The following SLIT1 variants were observed in gnomAD, a reference collection of about 807,000 sequenced individuals.
The protein encoded by SLIT1 is slit guidance ligand 1.
A neutral mutation model predicts 186.1 loss-of-function variants in SLIT1; 66 were observed. The observed-to-expected ratio is 0.35, with a 90% CI of 0.29 to 0.44. SLIT1 has a LOEUF of 0.44. SLIT1 is among the 20% of genes least tolerant of loss of function. The pLI, the probability that SLIT1 is intolerant of heterozygous loss-of-function variation, is 1.00. For missense variants in SLIT1, 1,638 were observed against 2,037.4 expected (o/e 0.80, Z 3.77); for synonymous variants, 761 against 833.8 (o/e 0.91, Z 1.50).
intron 1 of SLIT1, among the ~76,000 whole-genome samples, chr10:97,173,220 G>A (rs189671449): frequency 1.8e-4 from 27 of 152,336 alleles, no homozygotes; most frequent in Admixed American, 5.2e-4. Flanking sequence ...GCTCAGGGCC[G>A]GTCTCAGGCT....
chr10:97,141,248 T>G (rs1849754640), intron 4 of SLIT1, among the ~76,000 whole-genome samples: 1 of 152,200 alleles, frequency 6.6e-6, no homozygotes, highest in South Asian at 2.1e-4. Context: ...GAAGCCTGCC[T>G]CGTGCAGAAC....
At chr10:97,056,761 T>TG (rs34586671) in intron 12 of SLIT1, among the ~76,000 whole-genome samples, 56 of 152,068 alleles carry the variant, frequency 3.7e-4, no homozygotes, top group East Asian at 1.9e-4. Flanking sequence ...AAGGCATTTT[T>TG]GGGGGGGGCT....
chr10:97,183,589 C>T (rs2134751120), intron 1 of SLIT1, among the ~76,000 whole-genome samples: 1 of 152,300 alleles, frequency 6.6e-6, no homozygotes, highest in South Asian at 2.1e-4. Flanking sequence ...CCCAGAATGC[C>T]ACCTCTTTCC....
In SLIT1 at chr10:97,060,686, C is replaced by T. The variant is rs773816243; in HGVS notation, c.895G>A (p.Gly299Ser). The change falls in exon 9 of 37, where the codon GGC becomes AGC. Residue 299 changes from glycine to serine, a missense_variant. Gly to Ser is a moderately conservative substitution (Grantham distance 56). Coordinates refer to ENST00000266058, the MANE Select transcript of SLIT1 (RefSeq NM_003061.3). ...AGGTTGGCCGGGATGGCAGTGAGGC[C>T]TTTTCCACGACAGTCCACGATGCCA... ...SNGIVDCRGK[G>S]LTAIPANLPE... 2 of 1,613,628 alleles carry T rather than the reference C, an allele frequency of 1.2e-6. No homozygotes were observed. The highest frequency in any genetic ancestry group is 2.2e-5 in the South Asian group (2 of 91,052).
chr10:97,061,416 C>T (rs1848892947), intron 8 of SLIT1, among the ~76,000 whole-genome samples: 1 of 152,202 alleles, frequency 6.6e-6, no homozygotes, highest in Non-Finnish European at 1.5e-5. Flanking sequence ...CTGGTGGGAC[C>T]ACTACCTAGA....
chr10:97,163,302 C>G (rs1850056535), intron 3 of SLIT1, 78 bp downstream of exon 3: 2 of 1,279,242 alleles, frequency 1.6e-6, no homozygotes, highest in Admixed American at 3.4e-5. Context: ...GCCCCTCATC[C>G]CTGGCAGCAG....
rs930652889 is a variant in SLIT1 at position 97,006,320 on chromosome 10, T to A, written c.3579+163A>T. Among the ~76,000 whole-genome samples, 1 of 152,200 alleles carries A rather than the reference T, an allele frequency of 6.6e-6. No individual in the cohort carries two copies. On this transcript the variant is annotated intron_variant, in intron 32 of 36. Transcript: ENST00000266058. The surrounding 1 kb of genome is among the most constrained non-coding windows in gnomAD (Gnocchi z 4.0). ...ATAACCTTTCTAATTGTGCTTAAACTAGTTCAAGCTGAGATTTTGATACCC... is the reference window on the plus strand; with the variant it reads ...ATAACCTTTCTAATTGTGCTTAAACAAGTTCAAGCTGAGATTTTGATACCC...
intron 26 of SLIT1, among the ~76,000 whole-genome samples, chr10:97,020,629 G>A (rs748799205): frequency 6.6e-6 from 1 of 152,250 alleles, no homozygotes; most frequent in Non-Finnish European, 1.5e-5. Context: ...CAGAGGGCAG[G>A]AGCCGTGCTC....
chr10:97,123,824 C>T (rs1031223945), intron 4 of SLIT1, among the ~76,000 whole-genome samples: 8 of 146,214 alleles, frequency 5.5e-5, no homozygotes, highest in Non-Finnish European at 1.0e-4. Context: ...AGAGTAGAAA[C>T]ATAGTGCAGT....
At chr10:97,078,654 C>T (rs1018535506) in intron 4 of SLIT1, among the ~76,000 whole-genome samples, 1 of 131,090 alleles carries the variant, frequency 7.6e-6, no homozygotes, top group African/African-American at 2.9e-5. Flanking sequence ...CAACTAGCTT[C>T]GTCCTCTTCA....
At chr10:97,140,292 G>A (rs967760173) in intron 4 of SLIT1, among the ~76,000 whole-genome samples, 7 of 152,100 alleles carry the variant, frequency 4.6e-5, no homozygotes, top group African/African-American at 1.7e-4. Context: ...ACTGTCACCA[G>A]CCCACACTGC....
rs538599969 is a variant in SLIT1, at chr10:97,032,629, G to T, written c.2439-952C>A. 3.3e-5 allele frequency among the ~76,000 whole-genome samples: 5 copies of T among 151,940 alleles called. No homozygotes were observed. In the East Asian group the frequency reaches 9.7e-4, roughly 29 times the overall value. On this transcript the variant is annotated intron_variant, in intron 23 of 36. Coordinates refer to ENST00000266058, the MANE Select transcript of SLIT1 (RefSeq NM_003061.3). ...TTCATTATAGCTTTCAGTTTCCAGA[G>T]CCCACAGGCTAAGCCACTGTCCCAA...
intron 10 of SLIT1, among the ~76,000 whole-genome samples, chr10:97,059,743 C>A (rs1848874511): frequency 6.6e-6 from 1 of 152,194 alleles, no homozygotes; most frequent in African/African-American, 2.4e-5. Flanking sequence ...GGCACTCCAG[C>A]TTGGGAAGTT....
chr10:97,119,165 C>A (rs1849536066), intron 4 of SLIT1, among the ~76,000 whole-genome samples: 1 of 152,218 alleles, frequency 6.6e-6, no homozygotes. Context: ...GTCCTCACCA[C>A]CCCTCTTACC....
In SLIT1 at chr10:97,043,068, C is replaced by A; in HGVS notation, c.1998-1G>T. 6.2e-7 allele frequency: 1 copy of A among 1,613,522 alleles called. No homozygotes were observed. The highest frequency in any genetic ancestry group is 8.5e-7 in the Non-Finnish European group (1 of 1,179,662). On this transcript the variant is annotated splice_acceptor_variant, in intron 19 of 36. Coordinates refer to ENST00000266058, the MANE Select transcript of SLIT1 (RefSeq NM_003061.3). LOFTEE classifies it high-confidence loss of function. This position sits in a 1 kb window ranked among gnomAD's most constrained non-coding sequence, Gnocchi z 7.0. ...GTTGAAAGGGTTGGCCAGGAGATTC[C>A]TGGAAGAGGCAGGCCAGGCGGCCAT... is the stretch of plus-strand genomic sequence containing the variant.
At chr10:97,034,950 G>A (rs992930068) in intron 22 of SLIT1, among the ~76,000 whole-genome samples, 1 of 152,178 alleles carries the variant, frequency 6.6e-6, no homozygotes, top group Non-Finnish European at 1.5e-5. Context: ...TCCTATGAGG[G>A]AGAGGGCAGC....
chr10:97,013,788 G>T lies in SLIT1; in HGVS notation c.3156C>A (p.Asn1052Lys). 1 of 1,551,602 alleles carries T rather than the reference G, an allele frequency of 6.4e-7. No homozygotes were observed. Among genetic ancestry groups the T allele is most frequent in the Non-Finnish European group, 8.7e-7 (1 of 1,146,924 alleles). ...QLVDLCSPDL[N>K]PCQHEAQCVG... The stretch of plus-strand genomic sequence containing the variant: ...CACACTGGGCCTCGTGTTGACATGG[G>T]TTCAGATCCGGAGAGCACAAGTCCA... The change falls in exon 30 of 37, where the codon AAC becomes AAA. Residue 1052 changes from asparagine to lysine, a missense_variant. This residue lies in a region of SLIT1 where 1,245 missense variants were observed against 1,535.3 expected (regional missense o/e 0.81). Transcript: ENST00000266058.
At chr10:97,027,271 T>C (rs1404989291) in intron 25 of SLIT1, among the ~76,000 whole-genome samples, 6 of 152,216 alleles carry the variant, frequency 3.9e-5, no homozygotes, top group African/African-American at 1.4e-4. Flanking sequence ...TTCAATTCCT[T>C]ATAAGTGCTC....
At chr10:97,141,059 A>G (rs768342679) in intron 4 of SLIT1, among the ~76,000 whole-genome samples, 9 of 152,106 alleles carry the variant, frequency 5.9e-5, no homozygotes, top group Admixed American at 1.3e-4. Flanking sequence ...CAAGTCCTCC[A>G]CGGCTCCCTT....
Sources: gnomAD v4.1 joint callset for allele counts (sites outside exome capture counted in the v4.1 genomes callset) on GRCh38, gnomAD v4.1.1 for gene constraint, gnomAD v4.1.1 regional missense constraint, Gnocchi (gnomAD v3.1) non-coding constraint, MANE v1.5 for transcripts, NCBI Gene and HGNC (gene_info 2026-07-23, HGNC 2026-07-21) for gene names.